PTDSS2: variants seen among roughly 807,000 people sequenced by gnomAD.
The protein encoded by PTDSS2 is phosphatidylserine synthase 2.
In PTDSS2, 41 loss-of-function variants were observed where a neutral mutation model predicts 64.7. The ratio of observed to expected loss-of-function variants is 0.63; its 90% CI spans 0.49 to 0.82. The LOEUF (loss-of-function observed/expected upper bound fraction) is 0.82, where lower values mean the gene tolerates loss of function less well. Among genes scored for constraint, PTDSS2 ranks in the 40% least tolerant of loss-of-function variants. The probability of loss-of-function intolerance (pLI) is 0.00; values close to 1 mark genes in which losing one functional copy is unlikely to be tolerated. For missense variants in PTDSS2, 485 were observed against 650.0 expected, an observed-to-expected ratio of 0.75 and a Z score of 2.76; for synonymous variants, 297 against 277.8, an observed-to-expected ratio of 1.07 and a Z score of -0.69.
Position 479,414 on chromosome 11 carries a change from A to G in PTDSS2, c.435+262A>G. ...AGGAGCATCTGCTGGTGGGGCGCTG[A>G]CTGTGGCCATTTAGCAGGGCCACAC... On this transcript the variant is annotated intron_variant, in intron 4 of 11. Transcript: ENST00000308020. This position sits in a 1 kb window ranked among gnomAD's most constrained non-coding sequence, Gnocchi z 4.2. 2 of 564,668 alleles carry G rather than the reference A, an allele frequency of 3.5e-6. No homozygotes were observed. The highest frequency in any genetic ancestry group is 4.0e-5 in the South Asian group (2 of 49,754). 35.0% of individuals were successfully genotyped at this position (564,668 alleles called of 1,614,324 possible).
Position 462,782 on chromosome 11 carries a change from C to T in PTDSS2, c.284+2494C>T, listed in dbSNP as rs984659537. The stretch of plus-strand genomic sequence containing the variant: ...CACAGGGTGCCCACACACAGGGTGT[C>T]CCCACACAGGGTGTCCAGAAGGCTG... On this transcript the variant is annotated intron_variant, in intron 2 of 11. Coordinates refer to ENST00000308020, the MANE Select transcript of PTDSS2 (RefSeq NM_030783.3). The surrounding 1 kb of genome is among the most constrained non-coding windows in gnomAD (Gnocchi z 4.5). 14 of 152,168 alleles carry T rather than the reference C, an allele frequency of 9.2e-5. No individual in the cohort carries two copies. The highest frequency in any genetic ancestry group is 3.4e-4 in the African/African-American group (14 of 41,426). The allele number at this position is 152,168 out of a possible 1,614,324, so 9.4% of individuals were successfully genotyped here.
rs994532443 is a variant in PTDSS2, at chr11:450,341, A to T, written c.-115A>T. The T allele has an allele frequency of 6.2e-6, 6 of 965,662 alleles. No individual in the cohort carries two copies. The South Asian group carries it at 2.1e-4, about 35-fold the overall frequency. 59.8% of individuals were successfully genotyped at this position (965,662 alleles called of 1,614,324 possible). On this transcript the variant is annotated 5_prime_UTR_variant, in exon 1 of 12. Coordinates refer to ENST00000308020, the MANE Select transcript of PTDSS2 (RefSeq NM_030783.3). Reference sequence around the variant, plus strand: ...CTGCTCTCCTAAGACCCCGCGGGCCAGCGCCGCGACCCCTTCCCAGCGCTC... The same window carrying T: ...CTGCTCTCCTAAGACCCCGCGGGCCTGCGCCGCGACCCCTTCCCAGCGCTC...
upstream of PTDSS2, among the ~76,000 whole-genome samples, chr11:449,127 G>C (rs1846212991): frequency 1.3e-5 from 2 of 148,152 alleles, no homozygotes; most frequent in Admixed American, 1.3e-4. Context: ...GAGTGCAGTG[G>C]CACAATCTCG....
intron 1 of PTDSS2, among the ~76,000 whole-genome samples, chr11:452,084 G>A: frequency 6.6e-6 from 1 of 152,132 alleles, no homozygotes; most frequent in Admixed American, 6.5e-5. Context: ...AAGGAGACCA[G>A]ACTGGCTCTT....
chr11:482,165 C>T (rs987821556), intron 4 of PTDSS2, among the ~76,000 whole-genome samples: 1 of 150,854 alleles, frequency 6.6e-6, no homozygotes, highest in Non-Finnish European at 1.5e-5. Flanking sequence ...TACTTCTTTG[C>T]GTAGCTGCCC....
At chr11:485,566 CACCG>C (rs1848317618) in intron 4 of PTDSS2, among the ~76,000 whole-genome samples, 1 of 98,096 alleles carries the variant, frequency 1.0e-5, no homozygotes, top group Non-Finnish European at 2.1e-5. Context: ...CGCGTGTGCT[CACCG>C]TGTGCGCAGG....
At chr11:488,912 C>T (rs945129982) in intron 8 of PTDSS2, among the ~76,000 whole-genome samples, 1 of 152,256 alleles carries the variant, frequency 6.6e-6, no homozygotes, top group African/African-American at 2.4e-5. Flanking sequence ...GGGATCATTC[C>T]GTGCTTCTCC....
intron 2 of PTDSS2, among the ~76,000 whole-genome samples, chr11:468,442 T>C (rs1430404893): frequency 6.6e-6 from 1 of 152,218 alleles, no homozygotes; most frequent in African/African-American, 2.4e-5. Flanking sequence ...GAGCAGACCG[T>C]GTGCAGATTT....
At chr11:456,059 G>A (rs985709128) in intron 1 of PTDSS2, among the ~76,000 whole-genome samples, 5 of 152,340 alleles carry the variant, frequency 3.3e-5, no homozygotes, top group African/African-American at 1.2e-4. Context: ...CCTGGCCCGG[G>A]GCACGGACAC....
rs1391606406 is a variant in PTDSS2 at position 487,414 on chromosome 11, C to T, written c.571-6C>T. On this transcript the variant is annotated splice_polypyrimidine_tract_variant and splice_region_variant and intron_variant, in intron 5 of 11. Transcript: ENST00000308020. Reference sequence around the variant, plus strand: ...AGGGTCAAGGGTCATACCCTGTCGCCCACAGGACAAGTTGGATGGCTTTGT... The same window carrying T: ...AGGGTCAAGGGTCATACCCTGTCGCTCACAGGACAAGTTGGATGGCTTTGT... The T allele has an allele frequency of 1.2e-5, 20 of 1,613,880 alleles. No individual in the cohort carries two copies. Among genetic ancestry groups the T allele is most frequent in the Non-Finnish European group, 1.4e-5 (17 of 1,179,882 alleles).
At chr11:454,505 C>G (rs558054706) in intron 1 of PTDSS2, among the ~76,000 whole-genome samples, 1 of 152,286 alleles carries the variant, frequency 6.6e-6, no homozygotes, top group African/African-American at 2.4e-5. Flanking sequence ...ACAGGAAGGT[C>G]TCTGTCGTGG....
intron 4 of PTDSS2, among the ~76,000 whole-genome samples, chr11:481,098 A>C (rs75106650): frequency 1.3e-4 from 19 of 151,790 alleles, no homozygotes; most frequent in African/African-American, 4.3e-4. Context: ...AAAAAAAAAA[A>C]AGATCTGCCT....
chr11:465,311 C>A (rs1847092899), intron 2 of PTDSS2, among the ~76,000 whole-genome samples: 1 of 152,218 alleles, frequency 6.6e-6, no homozygotes, highest in African/African-American at 2.4e-5. Flanking sequence ...CTGCCTCAGC[C>A]TCCCAAGGAG....
chr11:451,987 C>A (rs1406264786), intron 1 of PTDSS2, among the ~76,000 whole-genome samples: 2 of 152,188 alleles, frequency 1.3e-5, no homozygotes, highest in African/African-American at 4.8e-5. Context: ...GACATCAGGC[C>A]TCTCCATCAG....
upstream of PTDSS2, among the ~76,000 whole-genome samples, chr11:448,651 CTG>C (rs1846194161): frequency 6.6e-6 from 1 of 152,232 alleles, no homozygotes; most frequent in Non-Finnish European, 1.5e-5. Context: ...ACTGCCCAGC[CTG>C]TGTGTCAGGA....
rs866028013 is a variant in PTDSS2, at chr11:462,710, C to T, written c.284+2422C>T. ...ACCAGAAGCCCAGCTCCTGGGCAGC[C>T]ACCCTACCTGCCCCTACGCAGGGTG... On this transcript the variant is annotated intron_variant, in intron 2 of 11. Coordinates refer to ENST00000308020, the MANE Select transcript of PTDSS2 (RefSeq NM_030783.3). This position sits in a 1 kb window ranked among gnomAD's most constrained non-coding sequence, Gnocchi z 4.5. Among the ~76,000 whole-genome samples, 11 of 152,184 alleles carry T rather than the reference C, an allele frequency of 7.2e-5. No individual in the cohort carries two copies. The highest frequency in any genetic ancestry group is 2.7e-4 in the African/African-American group (11 of 41,452).
chr11:489,196 C>T (rs1222514759), intron 8 of PTDSS2, among the ~76,000 whole-genome samples: 1 of 152,208 alleles, frequency 6.6e-6, no homozygotes, highest in African/African-American at 2.4e-5. Context: ...GTGGCCAGAC[C>T]TCGGAGAACA....
chr11:485,991 A>G (rs1848356573), intron 4 of PTDSS2, among the ~76,000 whole-genome samples: 1 of 134,386 alleles, frequency 7.4e-6, no homozygotes, highest in African/African-American at 3.0e-5. Context: ...CGCGCAGGCG[A>G]GCGTAAGCAG....
rs377201947 is a variant in PTDSS2, at chr11:472,236, T to G, written c.285-1659T>G. ...GGGGGACGTTTTACTGTCTTTCCAC[T>G]GAATGTTATGACCCTCCCCACGCCC... On this transcript the variant is annotated intron_variant, in intron 2 of 11. Coordinates refer to ENST00000308020, the MANE Select transcript of PTDSS2 (RefSeq NM_030783.3). Among the ~76,000 whole-genome samples the G allele has an allele frequency of 7.8e-4, 119 of 152,312 alleles. 1 individual carries two copies. The South Asian group carries it at 0.024, about 30-fold the overall frequency.
Sources: gnomAD v4.1 joint callset for allele counts (sites outside exome capture counted in the v4.1 genomes callset) on GRCh38, gnomAD v4.1.1 for gene constraint, Gnocchi (gnomAD v3.1) non-coding constraint, MANE v1.5 for transcripts, NCBI Gene and HGNC (gene_info 2026-07-23, HGNC 2026-07-21) for gene names.